Variants in CLINT1 observed in about 807,000 individuals in gnomAD.
CLINT1 encodes the protein clathrin interactor 1.
CLINT1 carries 15 observed loss-of-function variants against 70.4 expected under a neutral mutation model. The observed-to-expected ratio is 0.21, with a 90% confidence interval of 0.14 to 0.33. CLINT1 has a LOEUF of 0.33. Ranked by LOEUF, CLINT1 falls within the 10% of genes least tolerant of loss-of-function variation. CLINT1 has a pLI of 1.00. For missense variants in CLINT1, 615 were observed against 778.1 expected (o/e 0.79, Z 2.49); for synonymous variants, 227 against 254.7 (o/e 0.89, Z 1.04).
In CLINT1 at chr5:157,851,940, A is replaced by G. The variant is rs17681630; in HGVS notation, c.41+6990T>C. On this transcript the variant is annotated intron_variant, in intron 1 of 11. Coordinates refer to ENST00000411809, the MANE Select transcript of CLINT1 (RefSeq NM_014666.4). ...TGGTAAGCCAAATAATTTCTTGCCA[A>G]TTTGAGGGGTTGAATAACCAGAAAG... Among the ~76,000 whole-genome samples the G allele has an allele frequency of 5.2e-3, 798 of 152,260 alleles. 7 individuals are homozygous for G. The highest frequency in any genetic ancestry group is 8.2e-3 in the Non-Finnish European group (560 of 68,006).
chr5:157,788,842 C>T (rs1394959683), intron 11 of CLINT1, among the ~76,000 whole-genome samples: 1 of 151,912 alleles, frequency 6.6e-6, no homozygotes, highest in Non-Finnish European at 1.5e-5. Flanking sequence ...GCGGTGCACG[C>T]CTGTAGTCCC....
chr5:157,844,897 T>C (rs1145599), intron 1 of CLINT1, among the ~76,000 whole-genome samples: 20,383 of 152,254 alleles, frequency 0.13, 1,797 homozygotes, highest in African/African-American at 0.25. Flanking sequence ...AGATTTTCTT[T>C]TTCACCTATG....
At position 157,845,845 on chromosome 5, in the gene CLINT1, T is replaced by C. The variant is rs188169286; in HGVS notation, c.41+13085A>G. Among the ~76,000 whole-genome samples the C allele has an allele frequency of 6.0e-4, 92 of 152,332 alleles. 1 individual carries two copies. The East Asian group carries it at 0.016, about 27-fold the overall frequency. ...CTGGGATTACAGGCGTAAGCCACCA[T>C]GCCCGGCCGCATTTTAGTAATTCTT... On this transcript the variant is annotated intron_variant, in intron 1 of 11. Coordinates refer to ENST00000411809, the MANE Select transcript of CLINT1 (RefSeq NM_014666.4).
intron 1 of CLINT1, among the ~76,000 whole-genome samples, chr5:157,856,415 A>G (rs1249675052): frequency 6.6e-6 from 1 of 152,256 alleles, no homozygotes; most frequent in African/African-American, 2.4e-5. Context: ...TGAACCAGAT[A>G]GTTAAACCCC....
chr5:157,848,144 G>A (rs566610986), intron 1 of CLINT1, among the ~76,000 whole-genome samples: 2 of 151,542 alleles, frequency 1.3e-5, no homozygotes, highest in Admixed American at 6.6e-5. Context: ...TCGCTCTGTC[G>A]CCCAGGCTGG....
At chr5:157,802,837 C>T (rs909786214) in intron 8 of CLINT1, among the ~76,000 whole-genome samples, 1 of 152,192 alleles carries the variant, frequency 6.6e-6, no homozygotes, top group Non-Finnish European at 1.5e-5. Flanking sequence ...TCAGCCACCA[C>T]GCCCAGCCGC....
intron 9 of CLINT1, 73 bp downstream of exon 9, chr5:157,794,825 T>TG (rs1185982423): frequency 1.6e-5 from 17 of 1,048,336 alleles, no homozygotes; most frequent in East Asian, 2.6e-5. Context: ...GAAGCTGACT[T>TG]GGGGGGAATG....
Position 157,847,506 on chromosome 5 carries a change from G to A in CLINT1, c.41+11424C>T, listed in dbSNP as rs770753745. Among the ~76,000 whole-genome samples, 14 of 149,036 alleles carry A rather than the reference G, an allele frequency of 9.4e-5. No individual in the cohort carries two copies. In the East Asian group the frequency reaches 9.7e-4, roughly 10 times the overall value. On this transcript the variant is annotated intron_variant, in intron 1 of 11. Coordinates refer to ENST00000411809, the MANE Select transcript of CLINT1 (RefSeq NM_014666.4). ...AGCCTGGGCGACAGAGCAAGACTCC[G>A]TCTCAAAAAAAAAAAAAATTGTGAT...
chr5:157,844,055 AAATACTT>A (rs920544054), intron 1 of CLINT1, among the ~76,000 whole-genome samples: 4 of 152,162 alleles, frequency 2.6e-5, no homozygotes, highest in African/African-American at 7.2e-5. Context: ...TTGTGAACTC[AAATACTT>A]GATATTCTGT....
At chr5:157,815,023 T>A (rs1399260399) in intron 3 of CLINT1, among the ~76,000 whole-genome samples, 1 of 141,486 alleles carries the variant, frequency 7.1e-6, no homozygotes, top group Admixed American at 7.1e-5. Flanking sequence ...ACAGAGAAAC[T>A]CTGTCTCAAA....
intron 1 of CLINT1, among the ~76,000 whole-genome samples, chr5:157,827,946 G>A (rs1031640611): frequency 7.2e-5 from 11 of 152,052 alleles, no homozygotes; most frequent in African/African-American, 2.4e-4. Context: ...GATTATTAGG[G>A]CCTGAATTTT....
At chr5:157,809,181 A>T (rs115157776) in intron 6 of CLINT1, 2,384 of 153,078 alleles carry the variant, frequency 0.016, 64 homozygotes, top group African/African-American at 0.054. Context: ...TAACTTGCAC[A>T]TTTAAGACTT....
rs35355837 is a variant in CLINT1, at chr5:157,826,528, T to TA, written c.42-8982dup. ...TGGCTTTCAGTCATTTTTTTTTTTT[T>TA]AATACAGAAATAATTTGGTACCACA... On this transcript the variant is annotated intron_variant, in intron 1 of 11. Coordinates refer to ENST00000411809, the MANE Select transcript of CLINT1 (RefSeq NM_014666.4). Among the ~76,000 whole-genome samples, 355 of 151,854 alleles carry TA rather than the reference T, an allele frequency of 2.3e-3. 1 individual carries two copies. Among genetic ancestry groups the TA allele is most frequent in the African/African-American group, 8.3e-3 (344 of 41,420 alleles).
At chr5:157,814,368 T>A (rs1014726925) in intron 3 of CLINT1, 75 bp from the exon 4 acceptor site, 2 of 972,610 alleles carry the variant, frequency 2.1e-6, no homozygotes, top group Non-Finnish European at 3.1e-6. Context: ...TTAAAAAAAA[T>A]AATTCTAACA....
intron 1 of CLINT1, among the ~76,000 whole-genome samples, chr5:157,840,085 C>G: frequency 6.7e-6 from 1 of 149,200 alleles, no homozygotes; most frequent in Non-Finnish European, 1.5e-5. Context: ...GTCCCAGCTA[C>G]TCAGGAGGTT....
intron 1 of CLINT1, chr5:157,823,653 CCA>C (rs1762943489): frequency 2.8e-6 from 1 of 359,978 alleles, no homozygotes. Flanking sequence ...ATCCTCAATG[CCA>C]CAAAGGTTTC....
At chr5:157,804,161 C>T (rs1762316013) in intron 7 of CLINT1, among the ~76,000 whole-genome samples, 1 of 151,984 alleles carries the variant, frequency 6.6e-6, no homozygotes, top group Non-Finnish European at 1.5e-5. Context: ...AAGAAAGCTC[C>T]CTAGATAATT....
At chr5:157,793,013 C>T (rs964674972) in intron 9 of CLINT1, among the ~76,000 whole-genome samples, 2 of 152,154 alleles carry the variant, frequency 1.3e-5, no homozygotes, top group East Asian at 3.8e-4. Flanking sequence ...CACTACAATA[C>T]CATGTCTCAT....
chr5:157,828,628 A>G (rs1035274647), intron 1 of CLINT1, among the ~76,000 whole-genome samples: 1 of 152,180 alleles, frequency 6.6e-6, no homozygotes, highest in African/African-American at 2.4e-5. Flanking sequence ...TAATTTATAC[A>G]ACTTTAAAAC....
Sources: gnomAD v4.1 joint callset for allele counts (sites outside exome capture counted in the v4.1 genomes callset) on GRCh38, gnomAD v4.1.1 for gene constraint, MANE v1.5 for transcripts, NCBI Gene and HGNC (gene_info 2026-07-23, HGNC 2026-07-21) for gene names.